Variants in COA1 observed in about 807,000 individuals in gnomAD.
COA1 encodes cytochrome c oxidase assembly factor 1.
In COA1, 13 loss-of-function variants were observed where a neutral mutation model predicts 16.0. The ratio of observed to expected loss-of-function variants is 0.81; its 90% CI spans 0.53 to 1.29. The LOEUF is 1.29. Among genes scored for constraint, COA1 ranks in the 50% most tolerant of loss-of-function variants. The pLI, the probability that COA1 is intolerant of heterozygous loss-of-function variation, is 0.00. For missense variants in COA1, 179 were observed against 177.0 expected, an observed-to-expected ratio of 1.01 and a Z score of -0.06; for synonymous variants, 65 against 65.7, an observed-to-expected ratio of 0.99 and a Z score of 0.05.
At chr7:43,704,020 A>G (rs1717009835) in intron 1 of COA1, among the ~76,000 whole-genome samples, 1 of 152,214 alleles carries the variant, frequency 6.6e-6, no homozygotes, top group South Asian at 2.1e-4. Context: ...TGCTGGTAAC[A>G]AATTCTCTTA....
At chr7:43,724,370 T>C (rs1021962960) in intron 1 of COA1, among the ~76,000 whole-genome samples, 1 of 151,818 alleles carries the variant, frequency 6.6e-6, no homozygotes, top group South Asian at 2.1e-4. Flanking sequence ...CTGGCCAACA[T>C]AGCAAAACCC....
chr7:43,679,777 A>C (rs906363349), intron 1 of COA1, among the ~76,000 whole-genome samples: 1 of 152,214 alleles, frequency 6.6e-6, no homozygotes, highest in African/African-American at 2.4e-5. Context: ...TAGGAATAAG[A>C]AGCAGCAGAA....
chr7:43,631,061 T>C (rs1388476239), intron 6 of COA1: 1 of 152,232 alleles, frequency 6.6e-6, no homozygotes, highest in Non-Finnish European at 1.5e-5. Context: ...AAAACTTTTT[T>C]TTTTTAAATG....
intron 1 of COA1, among the ~76,000 whole-genome samples, chr7:43,708,076 C>T (rs1279373423): frequency 2.6e-5 from 4 of 152,098 alleles, no homozygotes; most frequent in Admixed American, 6.6e-5. Flanking sequence ...TGGTGGCATG[C>T]GCCTGTAATC....
intron 1 of COA1, among the ~76,000 whole-genome samples, chr7:43,710,594 GA>G (rs1445686450): frequency 6.6e-6 from 1 of 151,762 alleles, no homozygotes; most frequent in Non-Finnish European, 1.5e-5. Context: ...TTTACAGAAG[GA>G]AAATAATATT....
intron 6 of COA1, chr7:43,624,476 A>G (rs764860448): frequency 2.0e-6 from 3 of 1,535,914 alleles, no homozygotes; most frequent in Non-Finnish European, 2.6e-6. Context: ...ATTTTAATTG[A>G]AGTTCTAACA....
chr7:43,724,016 CAAT>C (rs2095561776), intron 1 of COA1, among the ~76,000 whole-genome samples: 2 of 152,156 alleles, frequency 1.3e-5, no homozygotes, highest in South Asian at 4.1e-4. Flanking sequence ...GTCTGAATTG[CAAT>C]AATTTTAAAA....
chr7:43,662,230 A>G (rs892649178), intron 1 of COA1, among the ~76,000 whole-genome samples: 2 of 151,990 alleles, frequency 1.3e-5, no homozygotes, highest in Non-Finnish European at 2.9e-5. Context: ...TTATTTTCAT[A>G]TATTTCTTTT....
At chr7:43,706,569 A>T (rs931853513) in intron 1 of COA1, among the ~76,000 whole-genome samples, 7 of 150,420 alleles carry the variant, frequency 4.7e-5, no homozygotes, top group East Asian at 2.0e-4. Context: ...ATAAAAAAAT[A>T]AAAAAATAAA....
chr7:43,691,252 AAAAG>A (rs1472363821), intron 1 of COA1, among the ~76,000 whole-genome samples: 1 of 65,466 alleles, frequency 1.5e-5, no homozygotes, highest in Non-Finnish European at 2.6e-5. Flanking sequence ...TTGACTCAAA[AAAAG>A]AAAGAAAGAA....
intron 1 of COA1, among the ~76,000 whole-genome samples, chr7:43,671,496 A>C (rs2093260336): frequency 6.6e-6 from 1 of 152,240 alleles, no homozygotes; most frequent in African/African-American, 2.4e-5. Flanking sequence ...TAAAGAAGGT[A>C]TCTAGGAATA....
At chr7:43,611,655 G>A (rs879930063) in intron 6 of COA1, among the ~76,000 whole-genome samples, 4 of 152,114 alleles carry the variant, frequency 2.6e-5, no homozygotes, top group Non-Finnish European at 5.9e-5. Flanking sequence ...TCCGCAGTAC[G>A]GACTTTCACT....
In COA1 at chr7:43,648,591, T is replaced by G; in HGVS notation, c.15+9A>C. 6.2e-7 allele frequency: 1 copy of G among 1,614,092 alleles called. No homozygotes were observed. Among genetic ancestry groups the G allele is most frequent in the Non-Finnish European group, 8.5e-7 (1 of 1,179,950 alleles). On this transcript the variant is annotated intron_variant, in intron 2 of 5. Coordinates refer to ENST00000223336, the MANE Select transcript of COA1 (RefSeq NM_018224.4). Reference sequence around the variant, plus strand: ...TAGTGGGGAACTTGGCCCTGGAACATTCCATTACCTTTTGCCACATCATAG... The same window carrying G: ...TAGTGGGGAACTTGGCCCTGGAACAGTCCATTACCTTTTGCCACATCATAG...
chr7:43,682,526 C>T (rs969954556), intron 1 of COA1, among the ~76,000 whole-genome samples: 2 of 152,044 alleles, frequency 1.3e-5, no homozygotes, highest in Non-Finnish European at 2.9e-5. Context: ...TCTTTCACAA[C>T]AGAAAGATGA....
chr7:43,682,426 CAAA>C (rs2093810860), intron 1 of COA1, among the ~76,000 whole-genome samples: 1 of 152,180 alleles, frequency 6.6e-6, no homozygotes, highest in East Asian at 1.9e-4. Context: ...ATTTTTTAAA[CAAA>C]GAAGTTGATA....
intron 1 of COA1, among the ~76,000 whole-genome samples, chr7:43,680,218 TC>T (rs1488887834): frequency 6.7e-6 from 1 of 148,840 alleles, no homozygotes; most frequent in Non-Finnish European, 1.5e-5. Flanking sequence ...GGCTTCTTTT[TC>T]CCCGGAGAGC....
At chr7:43,692,508 A>T (rs1335721263) in intron 1 of COA1, among the ~76,000 whole-genome samples, 1 of 151,986 alleles carries the variant, frequency 6.6e-6, no homozygotes, top group Non-Finnish European at 1.5e-5. Context: ...ACACAGCAAG[A>T]CCCTGTCTTA....
chr7:43,687,753 T>C (rs1262335635), intron 1 of COA1, among the ~76,000 whole-genome samples: 1 of 152,102 alleles, frequency 6.6e-6, no homozygotes, highest in African/African-American at 2.4e-5. Flanking sequence ...TATTTCAACA[T>C]ATCTTTTGAG....
intron 1 of COA1, among the ~76,000 whole-genome samples, chr7:43,659,372 G>GA (rs2092190825): frequency 6.6e-6 from 1 of 152,144 alleles, no homozygotes; most frequent in Non-Finnish European, 1.5e-5. Flanking sequence ...GTTTTAAATA[G>GA]AAAACCATGA....
Sources: allele counts gnomAD v4.1 joint callset (sites outside exome capture counted in the v4.1 genomes callset), GRCh38; gene constraint gnomAD v4.1.1; transcripts MANE v1.5; gene names NCBI Gene and HGNC (gene_info 2026-07-23, HGNC 2026-07-21).